Variants in CC2D2A observed in about 807,000 individuals in gnomAD.
The protein encoded by CC2D2A is coiled-coil and C2 domain containing 2A, also known as coiled-coil and C2 domain-containing protein 2A.
In CC2D2A, 155 loss-of-function variants were observed where a neutral mutation model predicts 212.9. The observed-to-expected ratio is 0.73, with a 90% CI of 0.64 to 0.83. The LOEUF (loss-of-function observed/expected upper bound fraction) is 0.83. Among genes scored for constraint, CC2D2A ranks in the 40% least tolerant of loss-of-function variants. The probability of loss-of-function intolerance (pLI) is 0.00; values close to 1 mark genes in which losing one functional copy is unlikely to be tolerated. For synonymous variants in CC2D2A, 667 were observed against 686.5 expected (o/e 0.97, Z 0.44); for missense variants, 1,856 against 1,956.2 (o/e 0.95, Z 0.97).
chr4:15,550,627 A>C lies in CC2D2A; in HGVS notation c.2182-197A>C, dbSNP rs1020891989. The C allele has an allele frequency of 2.3e-5, 9 of 394,738 alleles. No homozygotes were observed. The Admixed American group carries it at 3.5e-4, about 15-fold the overall frequency. 24.5% of individuals were successfully genotyped at this position (394,738 alleles called of 1,614,324 possible). Reference sequence around the variant, plus strand: ...AGTCCAGGCAAGAAAGCTGGGTGTCAACAACTTGACCACAAACAGTTGTAA... The same window carrying C: ...AGTCCAGGCAAGAAAGCTGGGTGTCCACAACTTGACCACAAACAGTTGTAA... On this transcript the variant is annotated intron_variant, in intron 17 of 36. Coordinates refer to ENST00000424120, the MANE Select transcript of CC2D2A (RefSeq NM_001378615.1).
chr4:15,502,760 T>A, intron 5 of CC2D2A, 62 bp from the exon 6 acceptor site: 1 of 1,392,646 alleles, frequency 7.2e-7, no homozygotes, highest in Non-Finnish European at 1.0e-6. Context: ...ATGTATTTTT[T>A]ACTGATTATT....
Position 15,599,539 on chromosome 4 carries a change from A to C in CC2D2A, c.4507A>C (p.Ile1503Leu). Reference protein sequence around the residue: ...AAELQDRIEKILKEKIMDWRP... With the variant: ...AAELQDRIEKLLKEKIMDWRP... ...ATGTTTTGTGAACAGGATTGAAAAA[A>C]TACTAAAAGAAAAAATCATGGACTG... The change falls in exon 36 of 37, where the codon ATA becomes CTA. Residue 1503 changes from isoleucine (I) to leucine (L), a missense_variant. Coordinates refer to ENST00000424120, the MANE Select transcript of CC2D2A (RefSeq NM_001378615.1). 1.3e-6 allele frequency: 2 copies of C among 1,564,228 alleles called. No individual in the cohort carries two copies. The highest frequency in any genetic ancestry group is 1.7e-6 in the Non-Finnish European group (2 of 1,151,510).
At position 15,515,887 on chromosome 4, in the gene CC2D2A, T is replaced by C. The variant is rs1716838792; in HGVS notation, c.900T>C (p.Leu300=). The C allele has an allele frequency of 1.3e-6, 2 of 1,552,146 alleles. No homozygotes were observed. Among genetic ancestry groups the C allele is most frequent in the African/African-American group, 2.7e-5 (2 of 73,072 alleles). Residue 300 remains leucine, a synonymous_variant, in exon 10 of 37, where the codon CTT becomes CTC. Transcript: ENST00000424120. ...SRQTVPTYKK[L]PENVQPRFLE... ...ATCTAGTCCCTACATATAAAAAGCT[T>C]CCTGAGAATGTACAGCCCAGGTTCC... is the stretch of plus-strand genomic sequence containing the variant.
chr4:15,510,288 C>T, intron 7 of CC2D2A, 48 bp downstream of exon 7: 2 of 1,522,362 alleles, frequency 1.3e-6, no homozygotes, highest in Non-Finnish European at 1.8e-6. Flanking sequence ...GTGTTTTTTA[C>T]AAATATCCAA....
chr4:15,548,026 C>T (rs1003067914), intron 17 of CC2D2A, among the ~76,000 whole-genome samples: 8 of 151,134 alleles, frequency 5.3e-5, no homozygotes, highest in Admixed American at 2.0e-4. Context: ...GCAACAAGAG[C>T]GAAACTCCGT....
At chr4:15,477,860 C>G (rs1448250302) in intron 2 of CC2D2A, among the ~76,000 whole-genome samples, 1 of 152,128 alleles carries the variant, frequency 6.6e-6, no homozygotes, top group Non-Finnish European at 1.5e-5. Flanking sequence ...AGGTCTGGCC[C>G]AGAAACCTGC....
Position 15,569,361 on chromosome 4 carries a change from T to G in CC2D2A, c.3467T>G (p.Phe1156Cys). 6.3e-7 allele frequency: 1 copy of G among 1,576,964 alleles called. No homozygotes were observed. The change falls in exon 27 of 37, where the codon TTT (phenylalanine) becomes TGT (cysteine). Residue 1156 changes from phenylalanine (F) to cysteine (C), a missense_variant. Physicochemically the swap from Phe to Cys is radical, Grantham distance 205. This residue lies in a region of CC2D2A where 1,512 missense variants were observed against 1,579.3 expected (regional missense o/e 0.96). Coordinates refer to ENST00000424120, the MANE Select transcript of CC2D2A (RefSeq NM_001378615.1). The part of the protein sequence containing the change: ...SVKDVVFINI[F>C]DEVLHDVLED... ...AAAGATGTTGTGTTCATTAACATTT[T>G]TGATGAAGTACTGCATGATGTCTTA... is the stretch of plus-strand genomic sequence containing the variant.
At position 15,533,194 on chromosome 4, in the gene CC2D2A, CA is replaced by C; in HGVS notation, c.1471del (p.Thr491GlnfsTer20). The C allele has an allele frequency of 6.3e-7, 1 of 1,577,392 alleles. No homozygotes were observed. The highest frequency in any genetic ancestry group is 8.6e-7 in the Non-Finnish European group (1 of 1,169,584). Reference protein sequence around the residue: ...TINEYKSEIRQTRKFRDAEQE... With the variant: ...TINEYKSEIRXTRKFRDAEQE... ...CTCATGTGTTATTATATCTTGCAGA[CA>C]AACAAGAAAATTCCGTGATGCTGAA... On this transcript the variant is annotated frameshift_variant and splice_region_variant, in exon 14 of 37. Transcript: ENST00000424120. LOFTEE classifies it high-confidence loss of function.
At chr4:15,548,909 A>C (rs150865759) in intron 17 of CC2D2A, among the ~76,000 whole-genome samples, 9 of 152,336 alleles carry the variant, frequency 5.9e-5, no homozygotes, top group African/African-American at 1.7e-4. Context: ...CATATGGAAT[A>C]TATTTTGATC....
chr4:15,522,051 G>C (rs1717232852), intron 11 of CC2D2A, among the ~76,000 whole-genome samples: 1 of 152,084 alleles, frequency 6.6e-6, no homozygotes, highest in African/African-American at 2.4e-5. Flanking sequence ...AAAATAAAAA[G>C]GTAACCAGAC....
intron 11 of CC2D2A, among the ~76,000 whole-genome samples, chr4:15,518,965 A>G (rs1936555308): frequency 6.6e-6 from 1 of 151,990 alleles, no homozygotes; most frequent in African/African-American, 2.4e-5. Context: ...CATTTTCCCC[A>G]TTGTCTTGGT....
chr4:15,576,386 G>C (rs1720409461), intron 29 of CC2D2A: 1 of 984,616 alleles, frequency 1.0e-6, no homozygotes, highest in African/African-American at 1.7e-5. Context: ...TAGCAGATTA[G>C]AGTCTCTCCT....
chr4:15,518,607 C>T (rs1410168837), intron 11 of CC2D2A, among the ~76,000 whole-genome samples: 3 of 152,234 alleles, frequency 2.0e-5, no homozygotes, highest in Non-Finnish European at 2.9e-5. Context: ...AGAGGTTCTC[C>T]ATGAGAGCCC....
intron 7 of CC2D2A, among the ~76,000 whole-genome samples, chr4:15,510,804 C>T (rs1035297666): frequency 3.3e-5 from 5 of 151,786 alleles, no homozygotes; most frequent in Non-Finnish European, 7.4e-5. Context: ...CCCCGGCTTT[C>T]ATTATAGGAA....
At chr4:15,567,849 C>A in intron 26 of CC2D2A, 63 bp downstream of exon 26, 1 of 1,228,072 alleles carries the variant, frequency 8.1e-7, no homozygotes, top group Non-Finnish European at 1.1e-6. Context: ...AGAAAGCAGG[C>A]TCATGAGAAA....
chr4:15,502,851 AATCCCCAC>A lies in CC2D2A; in HGVS notation c.367_374del (p.Ile123SerfsTer11). On this transcript the variant is annotated frameshift_variant, in exon 6 of 37. Coordinates refer to ENST00000424120, the MANE Select transcript of CC2D2A (RefSeq NM_001378615.1). LOFTEE classifies it high-confidence loss of function. ...AAGCAGAAAGTGCATTGCTGCAGGA[AATCCCCAC>A]TCCTCGGCCCAGACGCTTACGAAGT... is the stretch of plus-strand genomic sequence containing the variant. 1.9e-6 allele frequency: 3 copies of A among 1,611,798 alleles called. No homozygotes were observed. The highest frequency in any genetic ancestry group is 2.5e-6 in the Non-Finnish European group (3 of 1,179,076).
chr4:15,561,724 AG>A (rs1719612083), intron 23 of CC2D2A: 1 of 152,166 alleles, frequency 6.6e-6, no homozygotes, highest in Non-Finnish European at 1.5e-5. Context: ...AGTCTCAGGG[AG>A]GACTTACCTC....
chr4:15,500,960 G>A (rs1261686744), intron 4 of CC2D2A, among the ~76,000 whole-genome samples: 1 of 152,144 alleles, frequency 6.6e-6, no homozygotes, highest in Non-Finnish European at 1.5e-5. Flanking sequence ...TCCTGGACAA[G>A]CACCTGCGAC....
At chr4:15,515,827 T>A (rs1359263358) in intron 9 of CC2D2A, 41 bp from the exon 10 acceptor site, 2 of 1,517,696 alleles carry the variant, frequency 1.3e-6, no homozygotes, top group Non-Finnish European at 1.8e-6. Flanking sequence ...GATATTTAGA[T>A]TGGCCCTAAT....
Sources: allele counts gnomAD v4.1 joint callset (sites outside exome capture counted in the v4.1 genomes callset), GRCh38; gene constraint gnomAD v4.1.1; regional missense constraint gnomAD v4.1.1; transcripts MANE v1.5; gene names NCBI Gene and HGNC (gene_info 2026-07-23, HGNC 2026-07-21).